The following TEAD1 variants were observed in gnomAD, a reference collection of about 807,000 sequenced individuals.
The protein encoded by TEAD1 is TEA domain transcription factor 1.
Under a neutral mutation model 54.9 loss-of-function variants are expected in TEAD1, and 9 were observed. The observed-to-expected ratio is 0.16, with a 90% confidence interval of 0.10 to 0.29. The LOEUF is 0.29. Ranked by LOEUF, TEAD1 falls within the 10% of genes least tolerant of loss-of-function variation. The probability of loss-of-function intolerance (pLI) is 1.00; values close to 1 mark genes in which losing one functional copy is unlikely to be tolerated. For missense variants in TEAD1, 387 were observed against 535.9 expected (o/e 0.72, Z 2.74); for synonymous variants, 200 against 187.8 (o/e 1.07, Z -0.53).
intron 2 of TEAD1, among the ~76,000 whole-genome samples, chr11:12,726,719 G>A (rs1349142099): frequency 2.0e-5 from 3 of 152,186 alleles, no homozygotes; most frequent in Non-Finnish European, 2.9e-5. Flanking sequence ...ACCAGGCGTG[G>A]TGGCATGCGC....
At chr11:12,865,218 T>C in intron 5 of TEAD1, 1 of 370,636 alleles carries the variant, frequency 2.7e-6, no homozygotes. Context: ...TTTTTAACCT[T>C]CAGATGTCCA....
At chr11:12,705,454 C>T (rs1231258730) in intron 2 of TEAD1, among the ~76,000 whole-genome samples, 1 of 152,190 alleles carries the variant, frequency 6.6e-6, no homozygotes, top group East Asian at 1.9e-4. Flanking sequence ...ATCCCATTTG[C>T]TCTTACCATC....
chr11:12,796,104 A>C (rs761089796), intron 3 of TEAD1, among the ~76,000 whole-genome samples: 1 of 152,152 alleles, frequency 6.6e-6, no homozygotes, highest in Non-Finnish European at 1.5e-5. Flanking sequence ...GAGGGGGGCT[A>C]GTGTACGGAA....
intron 2 of TEAD1, among the ~76,000 whole-genome samples, chr11:12,714,507 T>G (rs897926896): frequency 3.3e-5 from 5 of 152,198 alleles, no homozygotes; most frequent in Non-Finnish European, 7.3e-5. Context: ...TTCACCATGT[T>G]GTTTTGGCTT....
At chr11:12,919,675 T>G (rs949139830) in intron 10 of TEAD1, among the ~76,000 whole-genome samples, 9 of 151,618 alleles carry the variant, frequency 5.9e-5, no homozygotes, top group Non-Finnish European at 1.0e-4. Context: ...AAAAAAAAAA[T>G]TATTTGTAGA....
chr11:12,769,099 CT>C (rs1313741678), intron 3 of TEAD1, among the ~76,000 whole-genome samples: 2 of 152,116 alleles, frequency 1.3e-5, no homozygotes, highest in Non-Finnish European at 2.9e-5. Context: ...CCACTATTGA[CT>C]TTCTCCTTTT....
intron 3 of TEAD1, among the ~76,000 whole-genome samples, chr11:12,820,534 T>A (rs902712718): frequency 5.3e-5 from 8 of 152,172 alleles, no homozygotes; most frequent in Non-Finnish European, 1.2e-4. Context: ...GTTGTCTACG[T>A]TGGTGATGAA....
Position 12,937,875 on chromosome 11 carries a change from T to C in TEAD1, c.*653T>C, listed in dbSNP as rs929235022. ...TAGAAGTGTCCTAATGAGACAAATT[T>C]GTACTTTTATCCTCAAGGTTAACAC... On this transcript the variant is annotated 3_prime_UTR_variant, in exon 13 of 13. Coordinates refer to ENST00000527636, the MANE Select transcript of TEAD1 (RefSeq NM_021961.6). 2 of 152,588 alleles carry C rather than the reference T, an allele frequency of 1.3e-5. No homozygotes were observed. Among genetic ancestry groups the C allele is most frequent in the Non-Finnish European group, 2.9e-5 (2 of 68,042 alleles). 9.5% of individuals were successfully genotyped at this position (152,588 alleles called of 1,614,324 possible). A position where few individuals can be genotyped will look rare whatever the true frequency, so the allele number is the denominator to read the frequency against.
At chr11:12,843,505 T>A (rs971924449) in intron 3 of TEAD1, among the ~76,000 whole-genome samples, 20 of 152,238 alleles carry the variant, frequency 1.3e-4, no homozygotes, top group Admixed American at 9.8e-4. Flanking sequence ...TATAGCTTTG[T>A]TGTGGTTTTT....
At position 12,940,659 on chromosome 11, in the gene TEAD1, TCA is replaced by T. The variant is rs1289614991; in HGVS notation, c.*3441_*3442del. On this transcript the variant is annotated 3_prime_UTR_variant, in exon 13 of 13. Transcript: ENST00000527636. ...GGTCACCATCATCCCTTTAATCAAC[TCA>T]CACCTGTTTAAAGAGTGTTTCTGAT... 10 of 152,186 alleles carry T rather than the reference TCA, an allele frequency of 6.6e-5. No individual in the cohort carries two copies. The highest frequency in any genetic ancestry group is 2.4e-4 in the African/African-American group (10 of 41,448). The allele number at this position is 152,186 out of a possible 1,614,324, so 9.4% of individuals were successfully genotyped here. A position where few individuals can be genotyped will look rare whatever the true frequency, so the allele number is the denominator to read the frequency against.
chr11:12,803,895 T>C (rs1442495457), intron 3 of TEAD1, among the ~76,000 whole-genome samples: 1 of 152,236 alleles, frequency 6.6e-6, no homozygotes, highest in Non-Finnish European at 1.5e-5. Flanking sequence ...CCAACACTTG[T>C]CCTGAAGCAG....
chr11:12,881,710 C>T (rs779708188), intron 7 of TEAD1, among the ~76,000 whole-genome samples, 186 bp from the exon 8 acceptor site: 7 of 152,142 alleles, frequency 4.6e-5, no homozygotes, highest in Non-Finnish European at 8.8e-5. Flanking sequence ...GTGGTTTGAT[C>T]CCTACCTGGC....
chr11:12,873,904 G>A (rs1275920561), intron 5 of TEAD1, among the ~76,000 whole-genome samples: 1 of 152,220 alleles, frequency 6.6e-6, no homozygotes, highest in African/African-American at 2.4e-5. Flanking sequence ...AAAAGTGATT[G>A]TGCAAGCAAA....
At chr11:12,842,067 AAAAC>A (rs1193921698) in intron 3 of TEAD1, among the ~76,000 whole-genome samples, 1 of 145,230 alleles carries the variant, frequency 6.9e-6, no homozygotes, top group African/African-American at 2.8e-5. Flanking sequence ...GCAGAGGAAA[AAAAC>A]AAAACAAAAC....
intron 3 of TEAD1, among the ~76,000 whole-genome samples, chr11:12,821,961 C>CTTTTTTTTTTTTTTATTTTTT (rs1946557193): frequency 1.5e-5 from 1 of 68,084 alleles, no homozygotes; most frequent in African/African-American, 6.3e-5. Flanking sequence ...TTCTCTTTTC[C>CTTTTTTTTTTTTTTATTTTTT]TTTTTTTTTT....
chr11:12,748,160 C>A (rs1262098238), intron 2 of TEAD1, among the ~76,000 whole-genome samples: 1 of 152,150 alleles, frequency 6.6e-6, no homozygotes, highest in Non-Finnish European at 1.5e-5. Flanking sequence ...TGAGGTTTCA[C>A]CATATTGGCC....
At chr11:12,691,232 A>G (rs1022423262) in intron 2 of TEAD1, among the ~76,000 whole-genome samples, 5 of 152,140 alleles carry the variant, frequency 3.3e-5, no homozygotes, top group Non-Finnish European at 7.4e-5. Context: ...AAATTGTTTC[A>G]TCTTTGGCCA....
rs531245276 is a variant in TEAD1 at position 12,732,504 on chromosome 11, C to T, written c.-54-31675C>T. ...GGTGAAGAATATAGAGAAGTCTAGG[C>T]TGGGTCTCTTGAGGAGCTTCCAGTG... On this transcript the variant is annotated intron_variant, in intron 2 of 12. Coordinates refer to ENST00000527636, the MANE Select transcript of TEAD1 (RefSeq NM_021961.6). Among the ~76,000 whole-genome samples the T allele has an allele frequency of 3.3e-5, 5 of 152,252 alleles. No individual in the cohort carries two copies. The South Asian group carries it at 8.3e-4, about 25-fold the overall frequency.
At chr11:12,762,815 G>A (rs543046016) in intron 2 of TEAD1, among the ~76,000 whole-genome samples, 2 of 152,184 alleles carry the variant, frequency 1.3e-5, no homozygotes, top group Non-Finnish European at 2.9e-5. Context: ...GGAGAGAGCA[G>A]GGAGGAAGAC....
Sources: allele counts gnomAD v4.1 joint callset (sites outside exome capture counted in the v4.1 genomes callset), GRCh38; gene constraint gnomAD v4.1.1; transcripts MANE v1.5; gene names NCBI Gene and HGNC (gene_info 2026-07-23, HGNC 2026-07-21).